C2CD3: variants seen among roughly 807,000 people sequenced by gnomAD.
C2CD3 encodes C2 domain-containing protein 3.
C2CD3 carries 148 observed loss-of-function variants against 234.0 expected under a neutral mutation model. The ratio of observed to expected loss-of-function variants is 0.63; its 90% CI spans 0.55 to 0.72. C2CD3 has a LOEUF of 0.72. Ranked by LOEUF, C2CD3 falls within the 30% of genes least tolerant of loss-of-function variation. C2CD3 has a pLI of 0.00. For synonymous variants in C2CD3, 1,000 were observed against 1,035.4 expected (o/e 0.97, Z 0.66); for missense variants, 2,577 against 2,811.5 (o/e 0.92, Z 1.89).
At chr11:74,100,717 C>A (rs769790724) in intron 14 of C2CD3, 41 bp from the exon 15 acceptor site, 10 of 1,523,814 alleles carry the variant, frequency 6.6e-6, no homozygotes, top group Non-Finnish European at 8.0e-6. Context: ...AAAACTCATA[C>A]CTGAGACAAA....
chr11:74,168,513 A>C lies in C2CD3; in HGVS notation c.156T>G (p.Ile52Met), dbSNP rs757501120. 6.2e-7 allele frequency: 1 copy of C among 1,614,226 alleles called. No homozygotes were observed. Among genetic ancestry groups the C allele is most frequent in the Non-Finnish European group, 8.5e-7 (1 of 1,180,020 alleles). Residue 52 changes from isoleucine to methionine, a missense_variant, in exon 2 of 33, where the codon ATT (isoleucine) becomes ATG (methionine). Transcript: ENST00000334126. The stretch of plus-strand genomic sequence containing the variant: ...CAAGTACACAAGTGGGAGGCTTTGC[A>C]ATCTTCCATATGACTCTATTAACAG... ...KLTVNRVIWK[I>M]AKPPTCVLVR...
chr11:74,170,487 T>G (rs1273260502), intron 1 of C2CD3, among the ~76,000 whole-genome samples: 1 of 152,226 alleles, frequency 6.6e-6, no homozygotes, highest in Non-Finnish European at 1.5e-5. Flanking sequence ...TTGTTTGTTC[T>G]TCTCCTCTAC....
chr11:74,063,697 C>T (rs2135447862), intron 24 of C2CD3, among the ~76,000 whole-genome samples: 1 of 152,276 alleles, frequency 6.6e-6, no homozygotes, highest in South Asian at 2.1e-4. Flanking sequence ...TGAAAGCATT[C>T]CCCTTGAAAA....
chr11:74,114,699 T>C, intron 9 of C2CD3, 106 bp from the exon 10 acceptor site: 1 of 726,136 alleles, frequency 1.4e-6, no homozygotes, highest in Non-Finnish European at 2.4e-6. Context: ...AGCAAGTTTT[T>C]ATTTTTTTAT....
chr11:74,107,322 T>TCACACACACACACACA (rs142285119), intron 12 of C2CD3, among the ~76,000 whole-genome samples: 38 of 146,620 alleles, frequency 2.6e-4, no homozygotes, highest in African/African-American at 9.1e-4. Context: ...TGAAACTGTG[T>TCACACACACACACACA]CACACACACA....
rs901351662 is a variant in C2CD3 at position 74,034,095 on chromosome 11, G to A, written c.6065C>T (p.Pro2022Leu). 6.5e-7 allele frequency: 1 copy of A among 1,536,086 alleles called. No individual in the cohort carries two copies. The highest frequency in any genetic ancestry group is 8.7e-7 in the Non-Finnish European group (1 of 1,146,922). The part of the protein sequence containing the change: ...PDKGTDSPSP[P>L]PLEETSNGGR... Reference sequence around the variant, plus strand: ...TCCATTTGAAGTCTCTTCGAGAGGAGGGGGTGATGGGGAATCTGTGCCTTT... The same window carrying A: ...TCCATTTGAAGTCTCTTCGAGAGGAAGGGGTGATGGGGAATCTGTGCCTTT... Residue 2022 changes from proline (P) to leucine (L), a missense_variant, in exon 31 of 33, where the codon CCT becomes CTT. Coordinates refer to ENST00000334126, the MANE Select transcript of C2CD3 (RefSeq NM_001286577.2).
intron 31 of C2CD3, among the ~76,000 whole-genome samples, chr11:74,031,741 A>C (rs972874736): frequency 7.2e-5 from 11 of 152,202 alleles, no homozygotes; most frequent in Non-Finnish European, 1.0e-4. Flanking sequence ...GGCCTAAGTT[A>C]AAGCAGCACT....
chr11:74,157,713 A>T (rs1227159040), intron 3 of C2CD3, among the ~76,000 whole-genome samples: 1 of 152,222 alleles, frequency 6.6e-6, no homozygotes, highest in Non-Finnish European at 1.5e-5. Flanking sequence ...TTGACAAAGT[A>T]TAACCCTCCT....
chr11:74,122,856 T>C, intron 8 of C2CD3, 132 bp downstream of exon 8: 1 of 645,664 alleles, frequency 1.5e-6, no homozygotes, highest in Non-Finnish European at 2.6e-6. Flanking sequence ...AAGATAATAC[T>C]TTCCTCTTGA....
At chr11:74,067,872 A>G (rs1326636041) in intron 24 of C2CD3, among the ~76,000 whole-genome samples, 1 of 152,158 alleles carries the variant, frequency 6.6e-6, no homozygotes, top group African/African-American at 2.4e-5. Context: ...AGATGCCCTC[A>G]CAAAAGATCT....
At chr11:74,034,458 T>A in intron 30 of C2CD3, 180 bp from the exon 31 acceptor site, 1 of 1,548,958 alleles carries the variant, frequency 6.5e-7, no homozygotes, top group East Asian at 2.4e-5. Context: ...TTTTAGTACT[T>A]TATTCTAATA....
intron 13 of C2CD3, among the ~76,000 whole-genome samples, chr11:74,105,272 AT>A (rs780307644): frequency 7.0e-4 from 103 of 147,330 alleles, no homozygotes; most frequent in South Asian, 1.5e-3. Context: ...GGCTGTGATG[AT>A]TTTTTTTTTT....
chr11:74,102,582 G>C (rs1247424450), intron 14 of C2CD3, among the ~76,000 whole-genome samples: 1 of 152,206 alleles, frequency 6.6e-6, no homozygotes, highest in African/African-American at 2.4e-5. Context: ...ACAGTTAAAG[G>C]AAGAAGTACT....
In C2CD3 at chr11:74,078,851, A is replaced by G. The variant is rs1055397415; in HGVS notation, c.4001-134T>C. On this transcript the variant is annotated intron_variant, in intron 22 of 32. Coordinates refer to ENST00000334126, the MANE Select transcript of C2CD3 (RefSeq NM_001286577.2). The stretch of plus-strand genomic sequence containing the variant: ...AGAAAACATACCCACAGTGAGTTGG[A>G]GTTTATGTTCATCTGACCATTGAGA... 7 of 773,976 alleles carry G rather than the reference A, an allele frequency of 9.0e-6. No individual in the cohort carries two copies. The Admixed American group carries it at 2.1e-4, about 23-fold the overall frequency. The allele number at this position is 773,976 out of a possible 1,614,324, so 47.9% of individuals were successfully genotyped here.
Position 74,049,376 on chromosome 11 carries a change from T to G in C2CD3, c.5322A>C (p.Glu1774Asp). ...TCTCCACTCCACGCCTTGCTTGCCTTTCTTCTTTGAAGTGTATCAAACTCT... is the reference window on the plus strand; with the variant it reads ...TCTCCACTCCACGCCTTGCTTGCCTGTCTTCTTTGAAGTGTATCAAACTCT... ...PLESLIHFKEERQARRGVETS... is the reference protein window; with the variant it reads ...PLESLIHFKEDRQARRGVETS... Residue 1774 changes from glutamate (E) to aspartate (D), a missense_variant, in exon 27 of 33, where the codon GAA becomes GAC. By Grantham distance (45) the Glu-to-Asp change is conservative. Coordinates refer to ENST00000334126, the MANE Select transcript of C2CD3 (RefSeq NM_001286577.2). 5 of 1,614,174 alleles carry G rather than the reference T, an allele frequency of 3.1e-6. No individual in the cohort carries two copies. The highest frequency in any genetic ancestry group is 4.2e-6 in the Non-Finnish European group (5 of 1,179,996).
chr11:74,046,809 A>T (rs1408053708), intron 28 of C2CD3, among the ~76,000 whole-genome samples: 1 of 152,140 alleles, frequency 6.6e-6, no homozygotes, highest in Admixed American at 6.5e-5. Flanking sequence ...AGTTGTTTAT[A>T]GTTTTTGGTT....
Position 74,012,828 on chromosome 11 carries a change from A to G in C2CD3, c.*557T>C, listed in dbSNP as rs369315240. 6.6e-6 allele frequency: 1 copy of G among 152,222 alleles called. No homozygotes were observed. The highest frequency in any genetic ancestry group is 1.9e-4 in the East Asian group (1 of 5,200). The allele number at this position is 152,222 out of a possible 1,614,324, so 9.4% of individuals were successfully genotyped here. On this transcript the variant is annotated 3_prime_UTR_variant, in exon 33 of 33. Transcript: ENST00000334126. ...GTTAGAATTTTAGACAATCAGATAA[A>G]AAGTTTGAAGGAAGTGATTTCCCCT...
At chr11:74,111,963 C>T (rs1956765902) in intron 11 of C2CD3, among the ~76,000 whole-genome samples, 1 of 93,812 alleles carries the variant, frequency 1.1e-5, no homozygotes, top group Non-Finnish European at 2.3e-5. Flanking sequence ...CACACACACA[C>T]ACACACATAT....
chr11:74,088,496 T>TCC (rs1007503402), intron 20 of C2CD3, among the ~76,000 whole-genome samples: 2 of 152,208 alleles, frequency 1.3e-5, no homozygotes, highest in Non-Finnish European at 1.5e-5. Context: ...CTTCTTGTTC[T>TCC]CCCTCCTTGA....
Sources: gnomAD v4.1 joint callset for allele counts (sites outside exome capture counted in the v4.1 genomes callset) on GRCh38, gnomAD v4.1.1 for gene constraint, MANE v1.5 for transcripts, NCBI Gene and HGNC (gene_info 2026-07-23, HGNC 2026-07-21) for gene names.